Variants in CATSPERB observed in about 807,000 individuals in gnomAD.
CATSPERB encodes the protein catsper channel auxiliary subunit beta.
A neutral mutation model predicts 128.3 loss-of-function variants in CATSPERB; 93 were observed. The observed-to-expected ratio is 0.72, with a 90% CI of 0.61 to 0.86. The LOEUF is 0.86. CATSPERB is among the 40% of genes least tolerant of loss of function. CATSPERB has a pLI of 0.00. For missense variants in CATSPERB, 1,153 were observed against 1,329.5 expected (o/e 0.87, Z 2.06); for synonymous variants, 381 against 448.8 (o/e 0.85, Z 1.91).
At position 91,649,199 on chromosome 14, in the gene CATSPERB, C is replaced by G. The variant is rs144130538; in HGVS notation, c.1433-9949G>C. On this transcript the variant is annotated intron_variant, in intron 15 of 26. Coordinates refer to ENST00000256343, the MANE Select transcript of CATSPERB (RefSeq NM_024764.4). The stretch of plus-strand genomic sequence containing the variant: ...TTATGGTGATAACTGTAGACCAGCT[C>G]TACTTTTGGTTATTCTATTTTATGC... 6.9e-3 allele frequency among the ~76,000 whole-genome samples: 1,049 copies of G among 152,270 alleles called. 6 individuals are homozygous for G. The highest frequency in any genetic ancestry group is 0.013 in the Non-Finnish European group (859 of 68,024).
chr14:91,603,202 G>A (rs1163211010), intron 22 of CATSPERB: 4 of 806,948 alleles, frequency 5.0e-6, no homozygotes, highest in Non-Finnish European at 9.0e-6. Flanking sequence ...CTTCATGAGG[G>A]TGTTTCAATA....
In CATSPERB at chr14:91,693,379, G is replaced by A; in HGVS notation, c.712+5C>T. On this transcript the variant is annotated splice_donor_5th_base_variant and intron_variant, in intron 8 of 26. Transcript: ENST00000256343. ...TCAAGATGAAGGCAATGTTAGAGGA[G>A]TTACCTTCTTGAAGTTGGGAATAGA... is the stretch of plus-strand genomic sequence containing the variant. The A allele has an allele frequency of 6.2e-7, 1 of 1,607,264 alleles. No individual in the cohort carries two copies. The highest frequency in any genetic ancestry group is 8.5e-7 in the Non-Finnish European group (1 of 1,174,012).
At chr14:91,650,139 C>T (rs554141734) in intron 15 of CATSPERB, among the ~76,000 whole-genome samples, 11 of 152,240 alleles carry the variant, frequency 7.2e-5, no homozygotes, top group African/African-American at 2.4e-4. Flanking sequence ...CAATTGCCTA[C>T]CCATGCATGT....
chr14:91,617,504 T>A, intron 20 of CATSPERB, 93 bp downstream of exon 20: 1 of 849,110 alleles, frequency 1.2e-6, no homozygotes, highest in East Asian at 2.8e-5. Flanking sequence ...TAAACAGAGA[T>A]GTTTAAAATG....
intron 5 of CATSPERB, among the ~76,000 whole-genome samples, chr14:91,716,448 C>T (rs1288006395): frequency 2.0e-5 from 3 of 151,832 alleles, no homozygotes; most frequent in Non-Finnish European, 4.4e-5. Context: ...CCTGGTGGTG[C>T]GTATCTGTAA....
chr14:91,691,432 T>C, intron 10 of CATSPERB, 91 bp downstream of exon 10: 1 of 759,938 alleles, frequency 1.3e-6, no homozygotes, highest in Middle Eastern at 2.5e-4. Flanking sequence ...TGGAATAACT[T>C]ATATTGTGAA....
chr14:91,702,907 G>A (rs1895675387), intron 7 of CATSPERB, among the ~76,000 whole-genome samples: 1 of 151,728 alleles, frequency 6.6e-6, no homozygotes, highest in African/African-American at 2.4e-5. Context: ...AATAGGCCTT[G>A]CAACTCCTTT....
At chr14:91,611,688 A>C (rs1215036550) in intron 20 of CATSPERB, among the ~76,000 whole-genome samples, 1 of 152,190 alleles carries the variant, frequency 6.6e-6, no homozygotes, top group Non-Finnish European at 1.5e-5. Flanking sequence ...TATAGTTAAT[A>C]ATACTGTATT....
intron 22 of CATSPERB, among the ~76,000 whole-genome samples, chr14:91,594,442 C>T (rs566153829): frequency 6.0e-5 from 9 of 150,604 alleles, no homozygotes; most frequent in Non-Finnish European, 1.0e-4. Flanking sequence ...CAAACCTGCA[C>T]GTTGTGCACA....
chr14:91,586,260 G>A (rs576262760), intron 26 of CATSPERB, among the ~76,000 whole-genome samples: 6 of 152,170 alleles, frequency 3.9e-5, no homozygotes, highest in East Asian at 1.9e-4. Flanking sequence ...TTGTTCTCTG[G>A]AAAGAAAGTG....
At chr14:91,620,663 TC>T (rs758306127) in intron 19 of CATSPERB, among the ~76,000 whole-genome samples, 1 of 152,326 alleles carries the variant, frequency 6.6e-6, no homozygotes, top group Non-Finnish European at 1.5e-5. Flanking sequence ...TACTTCAAGG[TC>T]TTTTTTTTGG....
rs755145270 is a variant in CATSPERB, at chr14:91,621,903, C to T, written c.1965G>A (p.Glu655=). ...TGTACCCGGGAAGCACTACAGTCTTCTCTATATCTGTATCTTCAAACAAGG... is the reference window on the plus strand; with the variant it reads ...TGTACCCGGGAAGCACTACAGTCTTTTCTATATCTGTATCTTCAAACAAGG... The part of the protein sequence containing the change: ...VQALFEDTDI[E]KTVVLPGYSS... Residue 655 remains glutamate, a synonymous_variant, in exon 19 of 27, where the codon GAG becomes GAA. Coordinates refer to ENST00000256343, the MANE Select transcript of CATSPERB (RefSeq NM_024764.4). 6.2e-7 allele frequency: 1 copy of T among 1,610,448 alleles called. No individual in the cohort carries two copies. The highest frequency in any genetic ancestry group is 1.1e-5 in the South Asian group (1 of 90,686).
At chr14:91,589,465 T>G (rs1362086675) in intron 24 of CATSPERB, 69 bp downstream of exon 24, 24 of 1,472,020 alleles carry the variant, frequency 1.6e-5, no homozygotes, top group Non-Finnish European at 9.2e-7. Flanking sequence ...TTGAAAACCA[T>G]TGATCTTTGT....
chr14:91,658,670 C>A (rs184818211), intron 15 of CATSPERB, among the ~76,000 whole-genome samples: 1 of 126,334 alleles, frequency 7.9e-6, no homozygotes, highest in African/African-American at 2.9e-5. Flanking sequence ...AATTTATACA[C>A]CTACTATGTA....
chr14:91,623,018 C>T (rs2139789238), intron 18 of CATSPERB, among the ~76,000 whole-genome samples: 1 of 152,160 alleles, frequency 6.6e-6, no homozygotes, highest in East Asian at 1.9e-4. Flanking sequence ...CCTCAGCCTC[C>T]CAAGTAGCTG....
At chr14:91,642,923 C>A (rs1283312229) in intron 15 of CATSPERB, among the ~76,000 whole-genome samples, 2 of 133,226 alleles carry the variant, frequency 1.5e-5, no homozygotes, top group Non-Finnish European at 3.2e-5. Flanking sequence ...CAACTTCTTC[C>A]TGGTTTAGTC....
intron 9 of CATSPERB, among the ~76,000 whole-genome samples, chr14:91,692,305 G>A (rs1367845256): frequency 1.3e-5 from 2 of 152,008 alleles, no homozygotes; most frequent in Non-Finnish European, 2.9e-5. Flanking sequence ...GCCCAGGCCA[G>A]AGCAGTCCAG....
At position 91,719,407 on chromosome 14, in the gene CATSPERB, A is replaced by G. The variant is rs757960563; in HGVS notation, c.370+11T>C. ...CCCAGGGGTAAAAGAATTAATTCAG[A>G]TCACTCTTACCTGTGCTTTGTGTGA... On this transcript the variant is annotated intron_variant, in intron 5 of 26. Transcript: ENST00000256343. 3 of 1,584,682 alleles carry G rather than the reference A, an allele frequency of 1.9e-6. No homozygotes were observed. The highest frequency in any genetic ancestry group is 2.6e-6 in the Non-Finnish European group (3 of 1,163,468).
intron 2 of CATSPERB, among the ~76,000 whole-genome samples, chr14:91,728,691 C>G (rs1289014149): frequency 6.6e-6 from 1 of 152,162 alleles, no homozygotes; most frequent in Non-Finnish European, 1.5e-5. Context: ...TCGCAAGCTT[C>G]TAAAGGAAAG....
Sources: allele counts gnomAD v4.1 joint callset (sites outside exome capture counted in the v4.1 genomes callset), GRCh38; gene constraint gnomAD v4.1.1; transcripts MANE v1.5; gene names NCBI Gene and HGNC (gene_info 2026-07-23, HGNC 2026-07-21).